The following GBP7 variants were observed in gnomAD, a reference collection of about 807,000 sequenced individuals.
GBP7 encodes guanylate-binding protein 7.
GBP7 carries 43 observed loss-of-function variants against 61.3 expected under a neutral mutation model. That is an observed-to-expected ratio of 0.70 (90% CI 0.55 to 0.91). The LOEUF is 0.91. Among genes scored for constraint, GBP7 ranks in the 40% least tolerant of loss-of-function variants. The pLI, the probability that GBP7 is intolerant of heterozygous loss-of-function variation, is 0.00. For synonymous variants in GBP7, 267 were observed against 271.0 expected, an observed-to-expected ratio of 0.99 and a Z score of 0.14; for missense variants, 717 against 740.5, an observed-to-expected ratio of 0.97 and a Z score of 0.37.
At chr1:89,137,680 C>G (rs1029954084) in intron 9 of GBP7, among the ~76,000 whole-genome samples, 1 of 152,038 alleles carries the variant, frequency 6.6e-6, no homozygotes, top group Non-Finnish European at 1.5e-5. Flanking sequence ...TATGAAAAAC[C>G]CACAGCCAAC....
At chr1:89,139,473 C>T (rs1681883505) in intron 9 of GBP7, among the ~76,000 whole-genome samples, 1 of 152,156 alleles carries the variant, frequency 6.6e-6, no homozygotes, top group African/African-American at 2.4e-5. Context: ...AGAGCTTCTG[C>T]ACAGCAAAAG....
chr1:89,145,041 C>T (rs1223484658), intron 8 of GBP7, among the ~76,000 whole-genome samples: 1 of 150,700 alleles, frequency 6.6e-6, no homozygotes, highest in African/African-American at 2.4e-5. Flanking sequence ...CAACCTCTGC[C>T]TCCCAGGTTC....
chr1:89,155,624 G>A (rs537482524), intron 3 of GBP7, among the ~76,000 whole-genome samples: 84 of 152,252 alleles, frequency 5.5e-4, no homozygotes, highest in African/African-American at 1.9e-3. Context: ...AAGATCAAAT[G>A]AATGAAATGA....
At chr1:89,145,423 A>G (rs1203795536) in intron 8 of GBP7, among the ~76,000 whole-genome samples, 1 of 152,072 alleles carries the variant, frequency 6.6e-6, no homozygotes, top group Non-Finnish European at 1.5e-5. Context: ...ATATATCTAT[A>G]TTTACATATA....
chr1:89,140,960 T>C (rs1681928292), intron 9 of GBP7, among the ~76,000 whole-genome samples: 1 of 152,084 alleles, frequency 6.6e-6, no homozygotes, highest in African/African-American at 2.4e-5. Context: ...GAAAACCAAA[T>C]ATCACATGTT....
At chr1:89,139,491 C>T (rs1020550263) in intron 9 of GBP7, among the ~76,000 whole-genome samples, 70 of 152,198 alleles carry the variant, frequency 4.6e-4, no homozygotes, top group African/African-American at 1.5e-3. Flanking sequence ...AAGAAACTAC[C>T]ATCAGAGTGA....
chr1:89,165,337 T>C (rs1368689697), intron 2 of GBP7, among the ~76,000 whole-genome samples: 1 of 151,808 alleles, frequency 6.6e-6, no homozygotes, highest in Admixed American at 6.6e-5. Context: ...CTGTCTCTAC[T>C]AAAATACAAA....
At chr1:89,142,342 C>T (rs952230328) in intron 8 of GBP7, among the ~76,000 whole-genome samples, 2 of 152,144 alleles carry the variant, frequency 1.3e-5, no homozygotes, top group East Asian at 1.9e-4. Context: ...CCTTGAACTC[C>T]CGGGCTGAAT....
At chr1:89,160,883 G>C (rs1647242236) in intron 3 of GBP7, among the ~76,000 whole-genome samples, 2 of 151,596 alleles carry the variant, frequency 1.3e-5, no homozygotes, top group Non-Finnish European at 3.0e-5. Context: ...TCATCTCCCA[G>C]GTATTTAGCC....
chr1:89,138,222 C>A (rs1395810630), intron 9 of GBP7, among the ~76,000 whole-genome samples: 2 of 152,046 alleles, frequency 1.3e-5, no homozygotes, highest in Non-Finnish European at 2.9e-5. Context: ...GTTAAAATAG[C>A]CATACTGCCC....
chr1:89,152,838 A>G (rs1425348218), intron 3 of GBP7, 61 bp from the exon 4 acceptor site: 1 of 1,354,564 alleles, frequency 7.4e-7, no homozygotes, highest in East Asian at 2.3e-5. Flanking sequence ...TCTCAAGGTC[A>G]ACTACTTGTA....
At position 89,150,216 on chromosome 1, in the gene GBP7, C is replaced by T. The variant is rs778705635; in HGVS notation, c.871+114G>A. ...GAAAAAATCCTTCACTTATCCCACA[C>T]CTCATAACACAGATGTTATCTCCTT... On this transcript the variant is annotated intron_variant, in intron 6 of 10. Transcript: ENST00000294671. 1.9e-5 allele frequency: 18 copies of T among 972,738 alleles called. No homozygotes were observed. In the East Asian group the frequency reaches 4.1e-4, roughly 22 times the overall value. The allele number at this position is 972,738 out of a possible 1,614,324, so 60.3% of individuals were successfully genotyped here.
At chr1:89,157,987 G>A (rs1682355646) in intron 3 of GBP7, among the ~76,000 whole-genome samples, 1 of 152,138 alleles carries the variant, frequency 6.6e-6, no homozygotes, top group Admixed American at 6.5e-5. Context: ...ACCAAATCCA[G>A]CTGCCCATCA....
At chr1:89,160,652 G>A (rs1403981054) in intron 3 of GBP7, among the ~76,000 whole-genome samples, 3 of 152,090 alleles carry the variant, frequency 2.0e-5, no homozygotes, top group Non-Finnish European at 4.4e-5. Context: ...AGTGCTATAT[G>A]TGTTTAGTAA....
chr1:89,156,017 A>C (rs1682308869), intron 3 of GBP7, among the ~76,000 whole-genome samples: 1 of 152,236 alleles, frequency 6.6e-6, no homozygotes, highest in Non-Finnish European at 1.5e-5. Flanking sequence ...TCTTGGCAGA[A>C]ACTCTACAAG....
At chr1:89,132,485 A>C in intron 10 of GBP7, 82 bp from the exon 11 acceptor site, 2 of 999,302 alleles carry the variant, frequency 2.0e-6, no homozygotes, top group Admixed American at 2.4e-5. Context: ...TCATTAGTTA[A>C]ACATGTGTCC....
intron 8 of GBP7, among the ~76,000 whole-genome samples, chr1:89,146,696 C>T (rs115712260): frequency 0.015 from 2,357 of 152,112 alleles, 58 homozygotes; most frequent in African/African-American, 0.053. Context: ...AAGCATGTTC[C>T]GCATCACTAA....
intron 2 of GBP7, among the ~76,000 whole-genome samples, chr1:89,168,777 A>C (rs1411381410): frequency 6.8e-6 from 1 of 146,648 alleles, no homozygotes; most frequent in East Asian, 2.2e-4. Context: ...TCTACTAAAA[A>C]TACAAACAAC....
intron 5 of GBP7, among the ~76,000 whole-genome samples, 170 bp from the exon 6 acceptor site, chr1:89,150,745 A>G (rs985903667): frequency 1.3e-5 from 2 of 152,230 alleles, no homozygotes; most frequent in African/African-American, 4.8e-5. Flanking sequence ...TACTTAAGGT[A>G]TGAAAAGTCA....
Sources: gnomAD v4.1 joint callset for allele counts (sites outside exome capture counted in the v4.1 genomes callset) on GRCh38, gnomAD v4.1.1 for gene constraint, MANE v1.5 for transcripts, NCBI Gene and HGNC (gene_info 2026-07-23, HGNC 2026-07-21) for gene names.